The following IMMP2L variants were observed in gnomAD, a reference collection of about 807,000 sequenced individuals.
IMMP2L encodes mitochondrial inner membrane protease subunit 2.
In IMMP2L, 18 loss-of-function variants were observed where a neutral mutation model predicts 19.3. The observed-to-expected ratio is 0.93, with a 90% CI of 0.64 to 1.38. IMMP2L has a LOEUF of 1.38. Among genes scored for constraint, IMMP2L ranks in the 40% most tolerant of loss-of-function variants. The probability of loss-of-function intolerance (pLI) is 0.00; values close to 1 mark genes in which losing one functional copy is unlikely to be tolerated. For missense variants in IMMP2L, 233 were observed against 218.2 expected (o/e 1.07, Z -0.43); for synonymous variants, 76 against 73.0 (o/e 1.04, Z -0.21).
chr7:111,408,975 A>T (rs1834135490), intron 3 of IMMP2L, among the ~76,000 whole-genome samples: 2 of 151,744 alleles, frequency 1.3e-5, no homozygotes, highest in African/African-American at 2.4e-5. Flanking sequence ...TGATATATTG[A>T]TACAAAGCTA....
chr7:111,421,312 C>T, intron 3 of IMMP2L, among the ~76,000 whole-genome samples: 1 of 147,214 alleles, frequency 6.8e-6, no homozygotes, highest in East Asian at 2.0e-4. Flanking sequence ...CTCTGTGGCC[C>T]AGGTGGGAGT....
At chr7:111,095,181 T>C (rs1797275392) in intron 3 of IMMP2L, among the ~76,000 whole-genome samples, 1 of 152,114 alleles carries the variant, frequency 6.6e-6, no homozygotes, top group African/African-American at 2.4e-5. Context: ...AATAAAATTT[T>C]TGAACTGAAA....
chr7:110,950,414 T>C (rs1817671070), intron 4 of IMMP2L, among the ~76,000 whole-genome samples: 1 of 152,084 alleles, frequency 6.6e-6, no homozygotes, highest in South Asian at 2.1e-4. Flanking sequence ...AATTTTGTTA[T>C]TCTTTGTCAA....
chr7:110,800,904 C>T (rs1295398824), intron 5 of IMMP2L, among the ~76,000 whole-genome samples: 12 of 151,980 alleles, frequency 7.9e-5, no homozygotes, highest in Admixed American at 6.6e-4. Flanking sequence ...TACTCTATTC[C>T]ACAAGTCTTA....
chr7:111,054,154 A>G (rs746271124), intron 3 of IMMP2L, among the ~76,000 whole-genome samples: 1 of 152,212 alleles, frequency 6.6e-6, no homozygotes, highest in African/African-American at 2.4e-5. Context: ...AAAGATTTCT[A>G]TTTGATATAT....
At chr7:110,928,846 G>A (rs573169686) in intron 4 of IMMP2L, among the ~76,000 whole-genome samples, 2 of 152,218 alleles carry the variant, frequency 1.3e-5, no homozygotes, top group South Asian at 4.1e-4. Flanking sequence ...AGCCCCTCCA[G>A]GTTCCTGAGC....
At chr7:111,067,367 T>G (rs963088184) in intron 3 of IMMP2L, among the ~76,000 whole-genome samples, 35 of 152,160 alleles carry the variant, frequency 2.3e-4, no homozygotes, top group African/African-American at 8.0e-4. Context: ...ATGGATGACA[T>G]AAATAGGCGT....
chr7:111,482,692 G>A (rs1842295870), intron 3 of IMMP2L, among the ~76,000 whole-genome samples: 1 of 151,126 alleles, frequency 6.6e-6, no homozygotes, highest in Admixed American at 6.6e-5. Context: ...CTCTGCCCCT[G>A]TGGTATCCAC....
At chr7:110,880,674 G>T (rs940316000) in intron 5 of IMMP2L, among the ~76,000 whole-genome samples, 1 of 151,674 alleles carries the variant, frequency 6.6e-6, no homozygotes, top group Non-Finnish European at 1.5e-5. Context: ...TAAAATAAAG[G>T]CTTCAACCTC....
At chr7:111,367,658 G>A (rs1291687823) in intron 3 of IMMP2L, among the ~76,000 whole-genome samples, 10 of 151,428 alleles carry the variant, frequency 6.6e-5, no homozygotes, top group East Asian at 3.9e-4. Flanking sequence ...CCCTCTTTTC[G>A]CATGGGGAAA....
chr7:110,792,709 A>G (rs1375566618), intron 5 of IMMP2L, among the ~76,000 whole-genome samples: 1 of 152,050 alleles, frequency 6.6e-6, no homozygotes, highest in Non-Finnish European at 1.5e-5. Flanking sequence ...CAGTTTACAA[A>G]AAAAGGTCAC....
intron 3 of IMMP2L, among the ~76,000 whole-genome samples, chr7:111,232,938 G>A (rs1326218229): frequency 6.6e-6 from 1 of 152,038 alleles, no homozygotes; most frequent in Non-Finnish European, 1.5e-5. Context: ...TCCTCAGGCA[G>A]CATTAATACT....
intron 3 of IMMP2L, among the ~76,000 whole-genome samples, chr7:111,077,324 C>T (rs2129575949): frequency 6.6e-6 from 1 of 152,270 alleles, no homozygotes; most frequent in East Asian, 1.9e-4. Context: ...AAACATTACC[C>T]TTACATTACA....
At chr7:111,095,723 G>A (rs189113840) in intron 3 of IMMP2L, among the ~76,000 whole-genome samples, 2 of 152,096 alleles carry the variant, frequency 1.3e-5, no homozygotes, top group East Asian at 1.9e-4. Context: ...CAAGAATTCT[G>A]AAGAGGCTTT....
intron 3 of IMMP2L, among the ~76,000 whole-genome samples, chr7:111,217,496 G>A (rs1461698367): frequency 6.6e-6 from 1 of 152,102 alleles, no homozygotes; most frequent in African/African-American, 2.4e-5. Flanking sequence ...TTCTCCTGAA[G>A]CATTTAGCCT....
In IMMP2L at chr7:110,870,413, C is replaced by T. The variant is rs1484531177; in HGVS notation, c.408+16180G>A. On this transcript the variant is annotated intron_variant, in intron 5 of 5. Transcript: ENST00000405709. The surrounding 1 kb of genome is among the most constrained non-coding windows in gnomAD (Gnocchi z 4.2). ...GTGCCTATTATGAGCCAGCCAGGCA[C>T]TGTGCTACAGCAGTGAACCAAAAGG... 6.6e-6 allele frequency among the ~76,000 whole-genome samples: 1 copy of T among 152,152 alleles called. No homozygotes were observed. Among genetic ancestry groups the T allele is most frequent in the East Asian group, 1.9e-4 (1 of 5,184 alleles).
intron 5 of IMMP2L, among the ~76,000 whole-genome samples, chr7:110,703,489 C>G (rs764348469): frequency 1.2e-4 from 18 of 151,976 alleles, no homozygotes; most frequent in African/African-American, 1.7e-4. Context: ...ACTTTATTTC[C>G]CTACATACTC....
At chr7:111,172,015 G>C (rs1004325111) in intron 3 of IMMP2L, among the ~76,000 whole-genome samples, 1 of 151,098 alleles carries the variant, frequency 6.6e-6, no homozygotes, top group Non-Finnish European at 1.5e-5. Flanking sequence ...TTTATTCTCT[G>C]ATTTAACAGA....
chr7:111,398,441 T>C (rs1358210788), intron 3 of IMMP2L, among the ~76,000 whole-genome samples: 5 of 152,122 alleles, frequency 3.3e-5, no homozygotes, highest in Non-Finnish European at 4.4e-5. Flanking sequence ...TGATTAAAAC[T>C]TTCAGCAAAA....
Sources: allele counts gnomAD v4.1 joint callset (sites outside exome capture counted in the v4.1 genomes callset), GRCh38; gene constraint gnomAD v4.1.1; non-coding constraint Gnocchi (gnomAD v3.1); transcripts MANE v1.5; gene names NCBI Gene and HGNC (gene_info 2026-07-23, HGNC 2026-07-21).